The following GULP1 variants were observed in gnomAD, a reference collection of about 807,000 sequenced individuals.
GULP1 encodes GULP PTB domain containing engulfment adaptor 1, also known as PTB domain-containing engulfment adapter protein 1.
A neutral mutation model predicts 40.9 loss-of-function variants in GULP1; 19 were observed. The ratio of observed to expected loss-of-function variants is 0.46; its 90% confidence interval spans 0.32 to 0.68. The LOEUF (loss-of-function observed/expected upper bound fraction) is 0.68. Among genes scored for constraint, GULP1 ranks in the 30% least tolerant of loss-of-function variants. GULP1 has a pLI of 0.03. For synonymous variants in GULP1, 119 were observed against 117.6 expected, an observed-to-expected ratio of 1.01 and a Z score of -0.08; for missense variants, 312 against 362.2, an observed-to-expected ratio of 0.86 and a Z score of 1.12.
intron 9 of GULP1, chr2:188,582,275 T>C: frequency 2.3e-6 from 1 of 427,894 alleles, no homozygotes; most frequent in East Asian, 7.2e-5. Flanking sequence ...AAATTTCAAG[T>C]ATACTTTCTC....
intron 4 of GULP1, among the ~76,000 whole-genome samples, chr2:188,487,663 A>G (rs544383268): frequency 1.1e-4 from 17 of 152,108 alleles, no homozygotes; most frequent in African/African-American, 3.4e-4. Context: ...AACCCTTTCA[A>G]AACCATGTCA....
At chr2:188,410,040 C>A (rs1246528985) in intron 2 of GULP1, among the ~76,000 whole-genome samples, 3 of 152,074 alleles carry the variant, frequency 2.0e-5, no homozygotes, top group Non-Finnish European at 4.4e-5. Context: ...AAATAAATTC[C>A]CACATTTACA....
chr2:188,372,249 A>C (rs1231494703), intron 1 of GULP1, among the ~76,000 whole-genome samples: 3 of 152,062 alleles, frequency 2.0e-5, no homozygotes, highest in Non-Finnish European at 4.4e-5. Flanking sequence ...TCTCCAGAGG[A>C]GTTACCTCCT....
rs969202256 is a variant in GULP1 at position 188,371,020 on chromosome 2, A to G, written c.-171-12743A>G. 2.0e-5 allele frequency among the ~76,000 whole-genome samples: 3 copies of G among 152,302 alleles called. No homozygotes were observed. In the South Asian group the frequency reaches 6.2e-4, roughly 32 times the overall value. On this transcript the variant is annotated intron_variant, in intron 1 of 11. Coordinates refer to ENST00000409830, the MANE Select transcript of GULP1 (RefSeq NM_016315.4). Reference sequence around the variant, plus strand: ...GAGCATTTACTATTTCCCAGGCACAAAGAAAATGATGTAATTTTTATCTAA... The same window carrying G: ...GAGCATTTACTATTTCCCAGGCACAGAGAAAATGATGTAATTTTTATCTAA...
At chr2:188,501,973 C>A (rs2153158062) in intron 4 of GULP1, among the ~76,000 whole-genome samples, 1 of 151,984 alleles carries the variant, frequency 6.6e-6, no homozygotes, top group Non-Finnish European at 1.5e-5. Context: ...CTCTGTCGCA[C>A]CAGGATTTTC....
intron 9 of GULP1, among the ~76,000 whole-genome samples, chr2:188,577,969 T>A (rs1032669803): frequency 5.9e-5 from 9 of 151,950 alleles, no homozygotes; most frequent in African/African-American, 1.9e-4. Context: ...CTAGAAAAAA[T>A]TGATTTAATA....
At chr2:188,524,588 A>ATT (rs1685656723) in intron 5 of GULP1, among the ~76,000 whole-genome samples, 1 of 147,970 alleles carries the variant, frequency 6.8e-6, no homozygotes. Flanking sequence ...CTTTTTATCT[A>ATT]TTTTTATATA....
At chr2:188,446,208 A>AT (rs2058372087) in intron 2 of GULP1, among the ~76,000 whole-genome samples, 1 of 152,160 alleles carries the variant, frequency 6.6e-6, no homozygotes. Flanking sequence ...GATTACCTAA[A>AT]TAGAGACAGC....
At chr2:188,543,406 A>G (rs1426834102) in intron 7 of GULP1, among the ~76,000 whole-genome samples, 1 of 152,066 alleles carries the variant, frequency 6.6e-6, no homozygotes, top group Non-Finnish European at 1.5e-5. Context: ...GATACCTCCC[A>G]ACTATAAGTT....
chr2:188,566,521 T>C (rs1697707633), intron 7 of GULP1, among the ~76,000 whole-genome samples: 1 of 152,028 alleles, frequency 6.6e-6, no homozygotes, highest in Non-Finnish European at 1.5e-5. Flanking sequence ...AAAGATAACA[T>C]AATGTCTCGT....
At chr2:188,585,906 C>T (rs186282809) in intron 10 of GULP1, among the ~76,000 whole-genome samples, 8 of 152,280 alleles carry the variant, frequency 5.3e-5, no homozygotes, top group East Asian at 3.9e-4. Context: ...ACCACATAGT[C>T]GGGCTGCATA....
intron 1 of GULP1, among the ~76,000 whole-genome samples, chr2:188,334,150 A>C (rs1422367820): frequency 6.6e-6 from 1 of 152,198 alleles, no homozygotes; most frequent in Non-Finnish European, 1.5e-5. Flanking sequence ...CCAAAAGTTT[A>C]TTGAGGAGAA....
intron 1 of GULP1, among the ~76,000 whole-genome samples, chr2:188,362,387 GAACT>G (rs1559151265): frequency 6.6e-6 from 1 of 152,044 alleles, no homozygotes; most frequent in East Asian, 1.9e-4. Context: ...GTGTTTTTCA[GAACT>G]CATTTTTGGA....
intron 7 of GULP1, among the ~76,000 whole-genome samples, chr2:188,548,468 A>T (rs189764111): frequency 1.3e-5 from 2 of 152,096 alleles, no homozygotes; most frequent in Admixed American, 1.3e-4. Context: ...GAATCTACAA[A>T]TAAATGGAGA....
At chr2:188,438,868 T>C in intron 2 of GULP1, among the ~76,000 whole-genome samples, 1 of 152,160 alleles carries the variant, frequency 6.6e-6, no homozygotes, top group East Asian at 1.9e-4. Flanking sequence ...TCTGTAACAA[T>C]AAACTGTGTT....
chr2:188,389,969 A>G (rs898631968), intron 2 of GULP1, among the ~76,000 whole-genome samples: 1 of 151,420 alleles, frequency 6.6e-6, no homozygotes, highest in Non-Finnish European at 1.5e-5. Flanking sequence ...TTTTTTTTTT[A>G]AATGGCTGAG....
chr2:188,453,320 G>GT (rs11446609), intron 2 of GULP1, among the ~76,000 whole-genome samples: 118,857 of 152,052 alleles, frequency 0.78, 47,151 homozygotes, highest in East Asian at 0.96. Context: ...TGTTTAAAAT[G>GT]TAATGTTATT....
At chr2:188,428,902 C>T (rs2056539963) in intron 2 of GULP1, among the ~76,000 whole-genome samples, 1 of 151,000 alleles carries the variant, frequency 6.6e-6, no homozygotes, top group Admixed American at 6.6e-5. Context: ...TTTTAATTTA[C>T]TCTGGAAAAC....
At chr2:188,583,753 TA>T (rs1485902740) in intron 9 of GULP1, among the ~76,000 whole-genome samples, 1 of 152,146 alleles carries the variant, frequency 6.6e-6, no homozygotes, top group Non-Finnish European at 1.5e-5. Flanking sequence ...ATTGTTGATA[TA>T]AATACAAACT....
Sources: gnomAD v4.1 joint callset for allele counts (sites outside exome capture counted in the v4.1 genomes callset) on GRCh38, gnomAD v4.1.1 for gene constraint, MANE v1.5 for transcripts, NCBI Gene and HGNC (gene_info 2026-07-23, HGNC 2026-07-21) for gene names.